Variants in CTNNA3 observed in about 807,000 individuals in gnomAD.
CTNNA3 encodes catenin alpha-3.
CTNNA3 carries 76 observed loss-of-function variants against 95.7 expected under a neutral mutation model. The observed-to-expected ratio is 0.79, with a 90% CI of 0.66 to 0.96. The LOEUF is 0.96. Ranked by LOEUF, CTNNA3 falls within the 40% of genes least tolerant of loss-of-function variation. The probability of loss-of-function intolerance (pLI) is 0.00; values close to 1 mark genes in which losing one functional copy is unlikely to be tolerated. For missense variants in CTNNA3, 1,191 were observed against 1,089.8 expected, an observed-to-expected ratio of 1.09 and a Z score of -1.31; for synonymous variants, 431 against 374.4, an observed-to-expected ratio of 1.15 and a Z score of -1.74.
intron 1 of CTNNA3, among the ~76,000 whole-genome samples, chr10:67,672,786 G>A (rs1007318159): frequency 5.3e-5 from 8 of 152,114 alleles, no homozygotes; most frequent in African/African-American, 1.9e-4. Flanking sequence ...TTTGAAGTCA[G>A]GTAGTGTGAT....
At chr10:66,134,497 A>G in intron 13 of CTNNA3, among the ~76,000 whole-genome samples, 1 of 152,158 alleles carries the variant, frequency 6.6e-6, no homozygotes, top group East Asian at 1.9e-4. Context: ...TGTATGAGAT[A>G]ATTAGAAGTG....
At chr10:67,522,449 A>T (rs1840016430) in intron 4 of CTNNA3, among the ~76,000 whole-genome samples, 1 of 152,150 alleles carries the variant, frequency 6.6e-6, no homozygotes, top group South Asian at 2.1e-4. Flanking sequence ...TCTATGCAGA[A>T]TAGGTCACCC....
chr10:66,008,954 T>C (rs1385504796), intron 15 of CTNNA3, among the ~76,000 whole-genome samples: 2 of 151,834 alleles, frequency 1.3e-5, no homozygotes, highest in Non-Finnish European at 2.9e-5. Context: ...ACAAAAATTA[T>C]CCGTATGTAG....
At chr10:66,249,644 G>A (rs897203548) in intron 13 of CTNNA3, among the ~76,000 whole-genome samples, 3 of 152,166 alleles carry the variant, frequency 2.0e-5, no homozygotes, top group Non-Finnish European at 4.4e-5. Context: ...TGCTAATGAG[G>A]ATGTGGAGAA....
intron 13 of CTNNA3, among the ~76,000 whole-genome samples, chr10:66,232,380 T>A (rs976442811): frequency 3.3e-5 from 5 of 152,154 alleles, no homozygotes; most frequent in Admixed American, 6.5e-5. Context: ...AGGACCTTTC[T>A]GTGCAAATTT....
intron 12 of CTNNA3, among the ~76,000 whole-genome samples, chr10:66,378,462 T>C (rs1271979306): frequency 2.6e-5 from 4 of 152,148 alleles, no homozygotes; most frequent in African/African-American, 4.8e-5. Flanking sequence ...TCATGACTTA[T>C]AAAAATAGTT....
At chr10:66,303,750 C>A (rs183328658) in intron 12 of CTNNA3, among the ~76,000 whole-genome samples, 2 of 152,024 alleles carry the variant, frequency 1.3e-5, no homozygotes, top group South Asian at 4.2e-4. Flanking sequence ...TTTGCCACCA[C>A]GCCTGGCTAA....
chr10:67,726,582 A>ATT (rs1841226700), intron 1 of CTNNA3, among the ~76,000 whole-genome samples: 1 of 70,274 alleles, frequency 1.4e-5, no homozygotes, highest in Non-Finnish European at 2.3e-5. Flanking sequence ...CATATTATAT[A>ATT]ATATGTAATA....
intron 7 of CTNNA3, among the ~76,000 whole-genome samples, chr10:67,170,455 G>A (rs1001105120): frequency 3.9e-5 from 6 of 152,142 alleles, no homozygotes; most frequent in East Asian, 3.9e-4. Context: ...TAATGAGATC[G>A]TGTCTTTTGT....
chr10:66,756,185 G>C (rs1430655388), intron 9 of CTNNA3, among the ~76,000 whole-genome samples: 1 of 152,106 alleles, frequency 6.6e-6, no homozygotes, highest in Non-Finnish European at 1.5e-5. Context: ...ATAAAATAAT[G>C]AGAGGAAGAC....
At position 67,555,759 on chromosome 10, in the gene CTNNA3, C is replaced by G. The variant is rs564232914; in HGVS notation, c.293-16090G>C. On this transcript the variant is annotated intron_variant, in intron 3 of 17. Coordinates refer to ENST00000433211, the MANE Select transcript of CTNNA3 (RefSeq NM_013266.4). Reference sequence around the variant, plus strand: ...AATACCCTTTATTTCTTTCTCCTGCCTGATTGCCCTGGCCAGAACTTCCAA... The same window carrying G: ...AATACCCTTTATTTCTTTCTCCTGCGTGATTGCCCTGGCCAGAACTTCCAA... Among the ~76,000 whole-genome samples the G allele has an allele frequency of 8.5e-5, 13 of 152,268 alleles. No individual in the cohort carries two copies. The South Asian group carries it at 2.7e-3, about 32-fold the overall frequency.
At chr10:67,661,371 G>GAT (rs1417437072) in intron 1 of CTNNA3, among the ~76,000 whole-genome samples, 5 of 151,934 alleles carry the variant, frequency 3.3e-5, no homozygotes, top group South Asian at 2.1e-4. Context: ...AGGCAGGGAG[G>GAT]GAATGTTGGC....
intron 5 of CTNNA3, among the ~76,000 whole-genome samples, chr10:67,250,817 T>C: frequency 6.6e-6 from 1 of 152,194 alleles, no homozygotes; most frequent in East Asian, 1.9e-4. Context: ...AAAATGCCCA[T>C]AATCAATAAC....
intron 7 of CTNNA3, among the ~76,000 whole-genome samples, chr10:67,179,126 A>T (rs1022923543): frequency 2.6e-5 from 4 of 152,166 alleles, no homozygotes; most frequent in African/African-American, 9.6e-5. Flanking sequence ...AATATCTTAA[A>T]TTCATACCTG....
intron 7 of CTNNA3, among the ~76,000 whole-genome samples, chr10:67,008,018 A>G (rs909451826): frequency 6.6e-6 from 1 of 152,050 alleles, no homozygotes; most frequent in Non-Finnish European, 1.5e-5. Context: ...AATTAATCAC[A>G]GTATAAGAAC....
chr10:66,649,942 A>C (rs12780476), intron 9 of CTNNA3, among the ~76,000 whole-genome samples: 1 of 152,346 alleles, frequency 6.6e-6, no homozygotes, highest in African/African-American at 2.4e-5. Context: ...CGGAAGCTAA[A>C]ACATCCCATG....
chr10:66,624,573 AG>A (rs1272848050), intron 9 of CTNNA3, among the ~76,000 whole-genome samples: 2 of 152,112 alleles, frequency 1.3e-5, no homozygotes, highest in Non-Finnish European at 2.9e-5. Context: ...ACTCAGTAGT[AG>A]GCTGGGGTTG....
At chr10:66,089,506 T>A (rs2081130133) in intron 14 of CTNNA3, among the ~76,000 whole-genome samples, 1 of 151,866 alleles carries the variant, frequency 6.6e-6, no homozygotes, top group African/African-American at 2.4e-5. Context: ...AAACATAAAC[T>A]GTTTTTTTAA....
chr10:66,080,597 C>T (rs534732961), intron 14 of CTNNA3, among the ~76,000 whole-genome samples: 18 of 152,266 alleles, frequency 1.2e-4, no homozygotes, highest in African/African-American at 3.4e-4. Context: ...AAGTCCATGA[C>T]TTTTCCTAAA....
Sources: gnomAD v4.1 joint callset for allele counts (sites outside exome capture counted in the v4.1 genomes callset) on GRCh38, gnomAD v4.1.1 for gene constraint, MANE v1.5 for transcripts, NCBI Gene and HGNC (gene_info 2026-07-23, HGNC 2026-07-21) for gene names.